Variants in MPDZ observed in about 807,000 individuals in gnomAD.
MPDZ encodes multiple PDZ domain crumbs cell polarity complex component, also known as multiple PDZ domain protein.
In MPDZ, 234 loss-of-function variants were observed where a neutral mutation model predicts 239.1. The ratio of observed to expected loss-of-function variants is 0.98; its 90% CI spans 0.88 to 1.09. MPDZ has a LOEUF of 1.09. Among genes scored for constraint, MPDZ ranks in the 50% least tolerant of loss-of-function variants. The pLI is 0.00. For missense variants in MPDZ, 3,175 were observed against 2,510.0 expected (o/e 1.26, Z -5.66); for synonymous variants, 1,048 against 881.3 (o/e 1.19, Z -3.35).
chr9:13,141,684 G>A lies in MPDZ; in HGVS notation c.3841-1535C>T, dbSNP rs761815728. On this transcript the variant is annotated intron_variant, in intron 27 of 46. Transcript: ENST00000319217. ...CTTAGAAATTATTAATTGGTGCCAC[G>A]AATTAGGATACCTAAAAATATATGT... Among the ~76,000 whole-genome samples, 46 of 151,992 alleles carry A rather than the reference G, an allele frequency of 3.0e-4. 1 individual carries two copies. The highest frequency in any genetic ancestry group is 4.6e-4 in the Admixed American group (7 of 15,232).
At chr9:13,192,028 G>T in intron 15 of MPDZ, 103 bp downstream of exon 15, 1 of 1,036,178 alleles carries the variant, frequency 9.7e-7, no homozygotes, top group Non-Finnish European at 1.3e-6. Context: ...CATGGGCGAT[G>T]TGAGTAAATC....
intron 30 of MPDZ, 79 bp downstream of exon 30, chr9:13,136,633 T>C: frequency 2.0e-6 from 2 of 997,244 alleles, no homozygotes; most frequent in Non-Finnish European, 3.1e-6. Context: ...GCTACAAATG[T>C]TTTCTTTTCA....
At chr9:13,213,536 T>G (rs914451143) in intron 10 of MPDZ, among the ~76,000 whole-genome samples, 1 of 151,988 alleles carries the variant, frequency 6.6e-6, no homozygotes, top group South Asian at 2.1e-4. Context: ...ATCTCAAAAG[T>G]CCACAAGATG....
At chr9:13,115,202 T>C (rs1296970138) in intron 40 of MPDZ, 46 bp downstream of exon 40, 4 of 1,535,790 alleles carry the variant, frequency 2.6e-6, no homozygotes, top group East Asian at 4.5e-5. Context: ...ATGTGTCCTC[T>C]TGGCATGCCG....
intron 1 of MPDZ, among the ~76,000 whole-genome samples, chr9:13,273,143 T>C (rs1053402396): frequency 6.6e-6 from 1 of 152,280 alleles, no homozygotes; most frequent in African/African-American, 2.4e-5. Context: ...AGTGCCTTGA[T>C]CTGGTACTTC....
rs145555644 is a variant in MPDZ, at chr9:13,242,215, C to CTTT, written c.183+5417_183+5419dup. ...ACTACCTTAATTTTATGTTAGGATG[C>CTTT]TTTTTTTTTTTTTTTTTTTTTTTTT... is the stretch of plus-strand genomic sequence containing the variant. On this transcript the variant is annotated intron_variant, in intron 3 of 46. Transcript: ENST00000319217. 3.5e-4 allele frequency among the ~76,000 whole-genome samples: 18 copies of CTTT among 50,754 alleles called. 3 individuals carry two copies. Among genetic ancestry groups the CTTT allele is most frequent in the African/African-American group, 1.1e-3 (13 of 11,962 alleles). 33.3% of individuals were successfully genotyped at this position (50,754 alleles called of 152,430 possible).
At position 13,145,166 on chromosome 9, in the gene MPDZ, C is replaced by T. The variant is rs190898301; in HGVS notation, c.3742-1602G>A. Among the ~76,000 whole-genome samples the T allele has an allele frequency of 2.6e-5, 4 of 152,066 alleles. No homozygotes were observed. The East Asian group carries it at 7.7e-4, about 29-fold the overall frequency. ...ACAGCAGACGAAATGGTAGATTACT[C>T]TATTATTAGGAAAAGATATTTAGAA... On this transcript the variant is annotated intron_variant, in intron 26 of 46. Transcript: ENST00000319217.
At chr9:13,265,895 A>G (rs2138999475) in intron 1 of MPDZ, among the ~76,000 whole-genome samples, 1 of 152,298 alleles carries the variant, frequency 6.6e-6, no homozygotes, top group Non-Finnish European at 1.5e-5. Flanking sequence ...AGACCATAGT[A>G]TTACAATCAT....
chr9:13,136,547 C>G (rs911302608), intron 30 of MPDZ, among the ~76,000 whole-genome samples, 165 bp downstream of exon 30: 2 of 151,554 alleles, frequency 1.3e-5, no homozygotes, highest in African/African-American at 2.4e-5. Context: ...AGGATGGTCC[C>G]GATCTCCTGA....
intron 10 of MPDZ, among the ~76,000 whole-genome samples, chr9:13,212,565 C>T (rs906184006): frequency 6.6e-6 from 1 of 151,702 alleles, no homozygotes; most frequent in Non-Finnish European, 1.5e-5. Flanking sequence ...TCTGGTTCCC[C>T]TTTATCACAA....
At chr9:13,268,169 T>TACAC (rs1554733093) in intron 1 of MPDZ, among the ~76,000 whole-genome samples, 4 of 150,836 alleles carry the variant, frequency 2.7e-5, no homozygotes, top group African/African-American at 9.7e-5. Context: ...TATATATATA[T>TACAC]ACACACATAG....
At chr9:13,189,653 C>A (rs560711066) in intron 16 of MPDZ, among the ~76,000 whole-genome samples, 1 of 152,094 alleles carries the variant, frequency 6.6e-6, no homozygotes, top group Non-Finnish European at 1.5e-5. Context: ...GCAATGCAAG[C>A]AGGGACAAAG....
intron 35 of MPDZ, among the ~76,000 whole-genome samples, chr9:13,124,895 A>C (rs1944892775): frequency 6.6e-6 from 1 of 152,202 alleles, no homozygotes; most frequent in African/African-American, 2.4e-5. Flanking sequence ...GCCTGGAATC[A>C]AGGTGCCCTT....
intron 24 of MPDZ, 129 bp downstream of exon 24, chr9:13,157,889 G>T: frequency 4.1e-6 from 3 of 732,996 alleles, no homozygotes; most frequent in Non-Finnish European, 7.1e-6. Flanking sequence ...AAAATGATGG[G>T]TTAGAAGTAT....
In MPDZ at chr9:13,192,296, C is replaced by A; in HGVS notation, c.1804-1G>T. On this transcript the variant is annotated splice_acceptor_variant, in intron 14 of 46. Transcript: ENST00000319217. LOFTEE classifies it high-confidence loss of function. ...CCCCAAGTAAAGTTATGCCATTTAC[C>A]TGTGAAAAAAGATACATTGTCCAAC... is the stretch of plus-strand genomic sequence containing the variant. The A allele has an allele frequency of 6.3e-7, 1 of 1,590,610 alleles. No homozygotes were observed. Among genetic ancestry groups the A allele is most frequent in the Admixed American group, 1.8e-5 (1 of 56,458 alleles).
rs3780575 is a variant in MPDZ at position 13,144,643 on chromosome 9, C to G, written c.3742-1079G>C. 2.6e-5 allele frequency among the ~76,000 whole-genome samples: 4 copies of G among 152,170 alleles called. No individual in the cohort carries two copies. In the East Asian group the frequency reaches 7.7e-4, roughly 29 times the overall value. On this transcript the variant is annotated intron_variant, in intron 26 of 46. Transcript: ENST00000319217. ...ACACCACGCTGTATGAGAGAACACTCTGGAAAGACTCTATCCTCAGTATGC... is the reference window on the plus strand; with the variant it reads ...ACACCACGCTGTATGAGAGAACACTGTGGAAAGACTCTATCCTCAGTATGC...
intron 7 of MPDZ, among the ~76,000 whole-genome samples, chr9:13,220,182 TATTAATATCACA>T (rs1279932325): frequency 6.6e-6 from 1 of 152,000 alleles, no homozygotes; most frequent in Non-Finnish European, 1.5e-5. Context: ...GAAAGCATTA[TATTAATATCACA>T]ACTTTCTGCC....
At chr9:13,233,284 TGCA>T (rs1395427336) in intron 3 of MPDZ, among the ~76,000 whole-genome samples, 1 of 152,058 alleles carries the variant, frequency 6.6e-6, no homozygotes, top group Non-Finnish European at 1.5e-5. Flanking sequence ...AGCCAAAAGC[TGCA>T]ATCAACAGAA....
chr9:13,222,477 A>G (rs1402070162), intron 5 of MPDZ, 31 bp from the exon 6 acceptor site: 1 of 1,534,772 alleles, frequency 6.5e-7, no homozygotes, highest in Admixed American at 1.7e-5. Flanking sequence ...GATAAAAGAC[A>G]ATCTGAGAGT....
Sources: gnomAD v4.1 joint callset for allele counts (sites outside exome capture counted in the v4.1 genomes callset) on GRCh38, gnomAD v4.1.1 for gene constraint, MANE v1.5 for transcripts, NCBI Gene and HGNC (gene_info 2026-07-23, HGNC 2026-07-21) for gene names.